KIF6: variants seen among roughly 807,000 people sequenced by gnomAD.
The protein encoded by KIF6 is kinesin family member 6.
KIF6 carries 106 observed loss-of-function variants against 112.7 expected under a neutral mutation model. The observed-to-expected ratio is 0.94, with a 90% CI of 0.80 to 1.11. The LOEUF is 1.11. Ranked by LOEUF, KIF6 falls within the 50% of genes least tolerant of loss-of-function variation. The probability of loss-of-function intolerance (pLI) is 0.00; values close to 1 mark genes in which losing one functional copy is unlikely to be tolerated. For missense variants in KIF6, 929 were observed against 964.0 expected (o/e 0.96, Z 0.48); for synonymous variants, 339 against 339.9 (o/e 1.00, Z 0.03).
intron 3 of KIF6, among the ~76,000 whole-genome samples, chr6:39,668,933 G>A (rs576530578): frequency 2.8e-4 from 43 of 151,920 alleles, no homozygotes; most frequent in African/African-American, 7.0e-4. Flanking sequence ...ACATTTATTC[G>A]GATGACTAGA....
chr6:39,586,538 T>A, intron 7 of KIF6, 134 bp from the exon 8 acceptor site: 1 of 664,260 alleles, frequency 1.5e-6, no homozygotes, highest in Non-Finnish European at 2.7e-6. Flanking sequence ...AAAACTTAAG[T>A]ACAGAATAAA....
chr6:39,456,937 C>T (rs1283296879), intron 13 of KIF6, among the ~76,000 whole-genome samples: 2 of 151,156 alleles, frequency 1.3e-5, no homozygotes, highest in Non-Finnish European at 1.5e-5. Context: ...TTTAACACCC[C>T]ACTGTCAACA....
In KIF6 at chr6:39,457,944, A is replaced by T. The variant is rs572980648; in HGVS notation, c.1646-26783T>A. On this transcript the variant is annotated intron_variant, in intron 13 of 22. Coordinates refer to ENST00000287152, the MANE Select transcript of KIF6 (RefSeq NM_145027.6). The stretch of plus-strand genomic sequence containing the variant: ...CACAGCCGAATTCTACCAGAGGTAC[A>T]AGGAGGAACTGGTACCATTCCTTCT... Among the ~76,000 whole-genome samples the T allele has an allele frequency of 1.0e-4, 15 of 150,688 alleles. 1 individual carries two copies. The South Asian group carries it at 3.1e-3, about 32-fold the overall frequency.
chr6:39,652,425 G>A (rs1582372852), intron 3 of KIF6, among the ~76,000 whole-genome samples: 4 of 152,056 alleles, frequency 2.6e-5, no homozygotes, highest in Admixed American at 2.6e-4. Context: ...TACTCAGGAG[G>A]CTGAGGCAGG....
At chr6:39,703,079 C>CG (rs1301835715) in intron 3 of KIF6, among the ~76,000 whole-genome samples, 9 of 41,932 alleles carry the variant, frequency 2.1e-4, no homozygotes, top group Non-Finnish European at 5.3e-4. Flanking sequence ...CCACCAACCC[C>CG]CCACCCCCAC....
At chr6:39,356,920 C>A (rs1764736692) in intron 19 of KIF6, among the ~76,000 whole-genome samples, 1 of 152,134 alleles carries the variant, frequency 6.6e-6, no homozygotes, top group South Asian at 2.1e-4. Context: ...ACCCACTGTC[C>A]CACCACCACT....
rs967152608 is a variant in KIF6, at chr6:39,332,451, A to G, written c.*4081T>C. 7.2e-5 allele frequency: 11 copies of G among 152,160 alleles called. No homozygotes were observed. Among genetic ancestry groups the G allele is most frequent in the Admixed American group, 2.0e-4 (3 of 15,286 alleles). 9.4% of individuals were successfully genotyped at this position (152,160 alleles called of 1,614,324 possible). On this transcript the variant is annotated 3_prime_UTR_variant, in exon 23 of 23. Coordinates refer to ENST00000287152, the MANE Select transcript of KIF6 (RefSeq NM_145027.6). ...TTGAAGTTACTTGGAAACTTACTGG[A>G]AACAATTTGACTCCTTTGGGGCTGG...
intron 3 of KIF6, among the ~76,000 whole-genome samples, chr6:39,667,960 G>A (rs981866394): frequency 6.6e-6 from 1 of 152,152 alleles, no homozygotes; most frequent in Non-Finnish European, 1.5e-5. Flanking sequence ...TGATGAGTGA[G>A]TTCTCGCTTT....
intron 13 of KIF6, among the ~76,000 whole-genome samples, chr6:39,506,938 C>T (rs1776457287): frequency 6.6e-6 from 1 of 152,152 alleles, no homozygotes; most frequent in Non-Finnish European, 1.5e-5. Context: ...CCTGGAAACT[C>T]CAGGCCATCC....
chr6:39,699,543 G>A (rs1469771094), intron 3 of KIF6, among the ~76,000 whole-genome samples: 1 of 152,168 alleles, frequency 6.6e-6, no homozygotes, highest in African/African-American at 2.4e-5. Context: ...AGGGGGAAGT[G>A]GATCATGGAA....
At chr6:39,442,761 T>C (rs894995748) in intron 13 of KIF6, among the ~76,000 whole-genome samples, 2 of 152,150 alleles carry the variant, frequency 1.3e-5, no homozygotes, top group Non-Finnish European at 2.9e-5. Flanking sequence ...CTGAATTCTT[T>C]GTAGGTTGAC....
chr6:39,446,663 T>A (rs779426522), intron 13 of KIF6, among the ~76,000 whole-genome samples: 18 of 152,180 alleles, frequency 1.2e-4, no homozygotes, highest in Non-Finnish European at 2.1e-4. Context: ...CTAATTTTTG[T>A]ATTTTTAGTA....
chr6:39,663,346 T>C (rs1786274401), intron 3 of KIF6, among the ~76,000 whole-genome samples: 1 of 152,162 alleles, frequency 6.6e-6, no homozygotes, highest in Admixed American at 6.5e-5. Context: ...ATTTGTTCCT[T>C]GGTTGGTGAT....
chr6:39,575,461 T>G lies in KIF6; in HGVS notation c.1181+2595A>C, dbSNP rs960358307. On this transcript the variant is annotated intron_variant, in intron 10 of 22. Transcript: ENST00000287152. ...AATTTTTTTGTATTTTTAGTAGAGA[T>G]GGGTTTCACCATGTTGGCCAGGATG... Among the ~76,000 whole-genome samples the G allele has an allele frequency of 1.3e-3, 197 of 151,962 alleles. 4 individuals are homozygous for G. The East Asian group carries it at 0.031, about 24-fold the overall frequency.
intron 13 of KIF6, among the ~76,000 whole-genome samples, chr6:39,499,375 A>G (rs2150489116): frequency 6.6e-6 from 1 of 152,212 alleles, no homozygotes; most frequent in South Asian, 2.1e-4. Context: ...TATTATAAGA[A>G]GAGGCAAAAG....
chr6:39,595,989 T>C (rs1248441366), intron 7 of KIF6, 65 bp downstream of exon 7: 7 of 1,257,842 alleles, frequency 5.6e-6, no homozygotes, highest in Non-Finnish European at 8.0e-6. Context: ...GAATGCCTGA[T>C]ACATAGTATG....
chr6:39,648,155 C>G (rs945002279), intron 3 of KIF6, among the ~76,000 whole-genome samples: 10 of 141,146 alleles, frequency 7.1e-5, no homozygotes, highest in Non-Finnish European at 9.0e-5. Flanking sequence ...TCCCGAGTAG[C>G]TGGGACTACA....
chr6:39,674,146 C>T (rs2150836518), intron 3 of KIF6, among the ~76,000 whole-genome samples: 1 of 152,122 alleles, frequency 6.6e-6, no homozygotes, highest in Admixed American at 6.5e-5. Flanking sequence ...CATTTTAGCA[C>T]CCTTTACTGA....
chr6:39,609,761 G>A (rs1554134782), intron 6 of KIF6, among the ~76,000 whole-genome samples: 1 of 151,666 alleles, frequency 6.6e-6, no homozygotes, highest in African/African-American at 2.4e-5. Flanking sequence ...GGTTTTTTTT[G>A]CCTCTGGGAG....
Sources: allele counts gnomAD v4.1 joint callset (sites outside exome capture counted in the v4.1 genomes callset), GRCh38; gene constraint gnomAD v4.1.1; transcripts MANE v1.5; gene names NCBI Gene and HGNC (gene_info 2026-07-23, HGNC 2026-07-21).